SMURF2: variants seen among roughly 807,000 people sequenced by gnomAD.
SMURF2 encodes the protein SMAD specific E3 ubiquitin protein ligase 2.
In SMURF2, 48 loss-of-function variants were observed where a neutral mutation model predicts 109.6. The ratio of observed to expected loss-of-function variants is 0.44; its 90% CI spans 0.35 to 0.56. The LOEUF is 0.56. SMURF2 is among the 20% of genes least tolerant of loss of function. SMURF2 has a pLI of 0.01. For missense variants in SMURF2, 575 were observed against 909.0 expected (o/e 0.63, Z 4.72); for synonymous variants, 288 against 317.1 (o/e 0.91, Z 0.97).
intron 5 of SMURF2, among the ~76,000 whole-genome samples, chr17:64,586,836 T>C (rs1969667549): frequency 6.6e-6 from 1 of 150,948 alleles, no homozygotes; most frequent in African/African-American, 2.4e-5. Flanking sequence ...AAGTCCATAT[T>C]AATTTGACTT....
chr17:64,651,589 GAAGAA>G lies in SMURF2; in HGVS notation c.52+10235_52+10239del, dbSNP rs1240605523. Among the ~76,000 whole-genome samples the G allele has an allele frequency of 2.7e-5, 4 of 149,640 alleles. 1 individual carries two copies. The highest frequency in any genetic ancestry group is 2.0e-4 in the East Asian group (1 of 5,088). On this transcript the variant is annotated intron_variant, in intron 1 of 18. Transcript: ENST00000262435. ...CCTACCTCAGAAAAAAAAAAAAAGA[GAAGAA>G]AAGAAAAGAAAAAATATACACATAA...
At chr17:64,634,232 A>C (rs1970385680) in intron 1 of SMURF2, among the ~76,000 whole-genome samples, 1 of 152,304 alleles carries the variant, frequency 6.6e-6, no homozygotes, top group Admixed American at 6.5e-5. Context: ...TGGGAGTTTC[A>C]CCATTTAAAG....
Position 64,547,604 on chromosome 17 carries a change from C to A in SMURF2, c.2067G>T (p.Leu689Phe), listed in dbSNP as rs1555683250. The A allele has an allele frequency of 6.2e-7, 1 of 1,614,028 alleles. No homozygotes were observed. Among genetic ancestry groups the A allele is most frequent in the African/African-American group, 1.3e-5 (1 of 74,994 alleles). ...SRVPLQGFKA[L>F]QGAAGPRLFT... Reference sequence around the variant, plus strand: ...GCCTGCACCTCAGGCTGTTACCTTGCAATGCTTTGAAGCCCTGCAGAGGCA... The same window carrying A: ...GCCTGCACCTCAGGCTGTTACCTTGAAATGCTTTGAAGCCCTGCAGAGGCA... The change falls in exon 17 of 19, where the codon TTG becomes TTT. Residue 689 changes from leucine to phenylalanine, a missense_variant. This residue lies in a region of SMURF2 where 361 missense variants were observed against 612.1 expected (regional missense o/e 0.59). Transcript: ENST00000262435. This position sits in a 1 kb window ranked among gnomAD's most constrained non-coding sequence, Gnocchi z 4.2.
chr17:64,631,281 GGAGAGAGAGAGAGAGAGAGAGA>G (rs1468147317), intron 1 of SMURF2, among the ~76,000 whole-genome samples: 1 of 4,412 alleles, frequency 2.3e-4, no homozygotes, highest in African/African-American at 7.2e-4. Flanking sequence ...AGGGGGGGGG[GGAGAGAGAGAGAGAGAGAGAGA>G]GAGAGAGAGA....
At chr17:64,584,716 G>C (rs782431253) in intron 6 of SMURF2, among the ~76,000 whole-genome samples, 1 of 152,112 alleles carries the variant, frequency 6.6e-6, no homozygotes, top group Non-Finnish European at 1.5e-5. Context: ...AGAGCCAAAT[G>C]ACTACAGAAA....
intron 13 of SMURF2, among the ~76,000 whole-genome samples, chr17:64,557,226 G>A (rs1969134510): frequency 1.3e-5 from 2 of 152,144 alleles, no homozygotes; most frequent in Non-Finnish European, 2.9e-5. Flanking sequence ...TGACAAAACT[G>A]AAGCTTAAGT....
At chr17:64,657,829 G>A (rs541905306) in intron 1 of SMURF2, among the ~76,000 whole-genome samples, 102 of 152,002 alleles carry the variant, frequency 6.7e-4, no homozygotes, top group Non-Finnish European at 1.0e-3. Context: ...GATAGTAATA[G>A]CTCAACCAAC....
chr17:64,545,780 ACT>A lies in SMURF2; in HGVS notation c.*66_*67del. 2.5e-6 allele frequency: 2 copies of A among 803,360 alleles called. No homozygotes were observed. Among genetic ancestry groups the A allele is most frequent in the Non-Finnish European group, 4.1e-6 (2 of 490,518 alleles). The allele number at this position is 803,360 out of a possible 1,614,324, so 49.8% of individuals were successfully genotyped here. On this transcript the variant is annotated 3_prime_UTR_variant, in exon 19 of 19. Transcript: ENST00000262435. ...CCTGTATTTCAGCATATTCTTTGAA[ACT>A]CTGCTGAAAGGAGGCTGTCAGTCAG... is the stretch of plus-strand genomic sequence containing the variant.
At chr17:64,629,272 G>A (rs958439496) in intron 1 of SMURF2, among the ~76,000 whole-genome samples, 6 of 152,142 alleles carry the variant, frequency 3.9e-5, no homozygotes, top group African/African-American at 1.4e-4. Flanking sequence ...AGGTCAGGGC[G>A]GGAGGATCCC....
chr17:64,593,962 A>G (rs534335274), intron 3 of SMURF2: 1 of 153,968 alleles, frequency 6.5e-6, no homozygotes, highest in Admixed American at 6.5e-5. Context: ...GGATAGTGTC[A>G]AGGCTGACAG....
intron 10 of SMURF2, among the ~76,000 whole-genome samples, chr17:64,565,764 T>C (rs1357930709): frequency 3.3e-5 from 5 of 151,996 alleles, no homozygotes; most frequent in African/African-American, 7.3e-5. Flanking sequence ...GAAGATGACA[T>C]GGGCACTCAG....
chr17:64,626,923 G>A (rs1211059631), intron 1 of SMURF2, among the ~76,000 whole-genome samples: 5 of 146,634 alleles, frequency 3.4e-5, no homozygotes, highest in African/African-American at 1.3e-4. Flanking sequence ...GGACATGCAC[G>A]TATTCCCCTA....
chr17:64,556,199 A>G (rs1408608989), intron 13 of SMURF2, among the ~76,000 whole-genome samples: 2 of 152,152 alleles, frequency 1.3e-5, no homozygotes, highest in African/African-American at 2.4e-5. Flanking sequence ...ACAGGGTAAT[A>G]TGCCCTTCTC....
chr17:64,560,645 C>G (rs765483214), intron 12 of SMURF2, among the ~76,000 whole-genome samples: 1 of 151,940 alleles, frequency 6.6e-6, no homozygotes, highest in Non-Finnish European at 1.5e-5. Flanking sequence ...GAAAAGAATT[C>G]TTGTAGTAAA....
At position 64,547,489 on chromosome 17, in the gene SMURF2, A is replaced by C. The variant is rs1180444575; in HGVS notation, c.2071+111T>G. The C allele has an allele frequency of 4.7e-6, 4 of 846,124 alleles. No homozygotes were observed. Among genetic ancestry groups the C allele is most frequent in the Middle Eastern group, 3.3e-4 (1 of 3,050 alleles). The allele number at this position is 846,124 out of a possible 1,614,324, so 52.4% of individuals were successfully genotyped here. A position where few individuals can be genotyped will look rare whatever the true frequency, so the allele number is the denominator to read the frequency against. Reference sequence around the variant, plus strand: ...CACAATGTGAGAGTCACAGATAAGAAGTGAAAAAGAGAATCTCTAAGCACA... The same window carrying C: ...CACAATGTGAGAGTCACAGATAAGACGTGAAAAAGAGAATCTCTAAGCACA... On this transcript the variant is annotated intron_variant, in intron 17 of 18. Coordinates refer to ENST00000262435, the MANE Select transcript of SMURF2 (RefSeq NM_022739.4). This position sits in a 1 kb window ranked among gnomAD's most constrained non-coding sequence, Gnocchi z 4.2.
At chr17:64,597,770 CAA>C (rs369162603) in intron 3 of SMURF2, among the ~76,000 whole-genome samples, 7 of 112,566 alleles carry the variant, frequency 6.2e-5, no homozygotes, top group Admixed American at 9.0e-5. Flanking sequence ...AAGACTGTCT[CAA>C]AAAAAAAAAA....
intron 1 of SMURF2, among the ~76,000 whole-genome samples, chr17:64,636,555 T>C (rs1478045692): frequency 1.1e-4 from 15 of 141,662 alleles, no homozygotes; most frequent in East Asian, 8.2e-4. Flanking sequence ...TGAGACGAGA[T>C]TGCATGCCAC....
At chr17:64,630,617 G>A (rs1970325010) in intron 1 of SMURF2, among the ~76,000 whole-genome samples, 1 of 152,122 alleles carries the variant, frequency 6.6e-6, no homozygotes, top group South Asian at 2.1e-4. Flanking sequence ...TGGGGGCAAG[G>A]GGACAAATGA....
chr17:64,598,596 A>C, intron 2 of SMURF2, 106 bp from the exon 3 acceptor site: 3 of 945,144 alleles, frequency 3.2e-6, no homozygotes, highest in Non-Finnish European at 4.4e-6. Flanking sequence ...CTTTTAAAAA[A>C]GTTTAACATT....
Sources: allele counts gnomAD v4.1 joint callset (sites outside exome capture counted in the v4.1 genomes callset), GRCh38; gene constraint gnomAD v4.1.1; regional missense constraint gnomAD v4.1.1; non-coding constraint Gnocchi (gnomAD v3.1); transcripts MANE v1.5; gene names NCBI Gene and HGNC (gene_info 2026-07-23, HGNC 2026-07-21).